PLCG2: variants seen among roughly 807,000 people sequenced by gnomAD.
The protein encoded by PLCG2 is phospholipase C gamma 2.
A neutral mutation model predicts 175.6 loss-of-function variants in PLCG2; 69 were observed. That is an observed-to-expected ratio of 0.39 (90% CI 0.32 to 0.48). The LOEUF is 0.48. PLCG2 is among the 20% of genes least tolerant of loss of function. The pLI, the probability that PLCG2 is intolerant of heterozygous loss-of-function variation, is 0.91. For missense variants in PLCG2, 1,798 were observed against 1,650.9 expected, an observed-to-expected ratio of 1.09 and a Z score of -1.54; for synonymous variants, 827 against 624.0, an observed-to-expected ratio of 1.33 and a Z score of -4.85.
At chr16:81,957,614 T>C (rs1218011464) in intron 32 of PLCG2, among the ~76,000 whole-genome samples, 1 of 152,148 alleles carries the variant, frequency 6.6e-6, no homozygotes, top group Non-Finnish European at 1.5e-5. Flanking sequence ...GCCAAGTGTT[T>C]CATAATATGT....
At chr16:81,835,911 A>C (rs982372512) in intron 2 of PLCG2, among the ~76,000 whole-genome samples, 20 of 151,980 alleles carry the variant, frequency 1.3e-4, no homozygotes, top group Non-Finnish European at 1.8e-4. Flanking sequence ...TCTCTGTCCA[A>C]ATTTCCCTCT....
chr16:81,896,687 A>T (rs1464623267), intron 13 of PLCG2, among the ~76,000 whole-genome samples: 1 of 152,176 alleles, frequency 6.6e-6, no homozygotes, highest in Non-Finnish European at 1.5e-5. Context: ...CACCCCCACC[A>T]AACCTGTTTC....
intron 2 of PLCG2, among the ~76,000 whole-genome samples, chr16:81,844,726 T>C (rs992597150): frequency 1.3e-5 from 2 of 152,242 alleles, no homozygotes; most frequent in African/African-American, 4.8e-5. Context: ...TAATAAGTTA[T>C]AGTAGACATT....
At chr16:81,758,125 G>A (rs550230999) in intron 2 of PLCG2, among the ~76,000 whole-genome samples, 4 of 152,108 alleles carry the variant, frequency 2.6e-5, no homozygotes, top group South Asian at 4.2e-4. Context: ...ACAGGCGCTC[G>A]CCACCAGGCC....
intron 2 of PLCG2, among the ~76,000 whole-genome samples, chr16:81,822,647 C>T (rs1306936867): frequency 6.8e-6 from 1 of 147,998 alleles, no homozygotes; most frequent in African/African-American, 2.5e-5. Flanking sequence ...ATCCCAGCTA[C>T]TCAGAAGGCT....
chr16:81,757,345 G>GA (rs551960804), intron 2 of PLCG2, among the ~76,000 whole-genome samples: 6 of 151,870 alleles, frequency 4.0e-5, no homozygotes, highest in Non-Finnish European at 7.4e-5. Context: ...AAGCCTCATA[G>GA]AAAAAAAAGC....
intron 1 of PLCG2, among the ~76,000 whole-genome samples, chr16:81,780,576 C>T (rs547145624): frequency 1.3e-5 from 2 of 152,202 alleles, no homozygotes; most frequent in Non-Finnish European, 2.9e-5. Context: ...GTGAGCCTCA[C>T]TGATGTTTAA....
chr16:81,758,796 G>T (rs1454809417), intron 2 of PLCG2, among the ~76,000 whole-genome samples: 1 of 151,772 alleles, frequency 6.6e-6, no homozygotes, highest in Non-Finnish European at 1.5e-5. Context: ...TCCTGCCTCA[G>T]CCTCCCGAGT....
intron 25 of PLCG2, 122 bp downstream of exon 25, chr16:81,931,776 G>A (rs1910512957): frequency 2.6e-6 from 2 of 778,844 alleles, no homozygotes; most frequent in Non-Finnish European, 4.2e-6. Flanking sequence ...TCAGAATTCA[G>A]GAAGGAGACC....
chr16:81,877,442 G>C (rs12596760), intron 7 of PLCG2, among the ~76,000 whole-genome samples: 7 of 152,196 alleles, frequency 4.6e-5, no homozygotes, highest in African/African-American at 9.7e-5. Flanking sequence ...GCGACACAGC[G>C]AGACTCCGTC....
chr16:81,815,586 T>C (rs1264421145), intron 2 of PLCG2, among the ~76,000 whole-genome samples: 1 of 152,188 alleles, frequency 6.6e-6, no homozygotes, highest in Non-Finnish European at 1.5e-5. Flanking sequence ...CTCCTGGCCC[T>C]TTCAGAGGCC....
At chr16:81,883,942 A>T (rs1908219980) in intron 9 of PLCG2, among the ~76,000 whole-genome samples, 1 of 152,186 alleles carries the variant, frequency 6.6e-6, no homozygotes, top group Admixed American at 6.5e-5. Flanking sequence ...GTGTCCAGAG[A>T]CGACATGGGT....
intron 25 of PLCG2, among the ~76,000 whole-genome samples, chr16:81,934,118 C>T (rs1038442631): frequency 9.2e-5 from 14 of 152,196 alleles, no homozygotes; most frequent in Admixed American, 6.5e-4. Flanking sequence ...GGACAGGAGG[C>T]AGAGTTAAAG....
chr16:81,914,898 G>T (rs1313315569), intron 19 of PLCG2, among the ~76,000 whole-genome samples: 1 of 152,136 alleles, frequency 6.6e-6, no homozygotes, highest in African/African-American at 2.4e-5. Context: ...TCAAAGAGTT[G>T]GGGTGTGAGG....
At chr16:81,759,993 G>T (rs1227227168) in intron 2 of PLCG2, among the ~76,000 whole-genome samples, 2 of 152,194 alleles carry the variant, frequency 1.3e-5, no homozygotes, top group Non-Finnish European at 2.9e-5. Context: ...GGGAGTGGTG[G>T]CGGGCGCCTG....
At chr16:81,912,531 T>A in intron 18 of PLCG2, 66 bp from the exon 19 acceptor site, 9 of 1,583,024 alleles carry the variant, frequency 5.7e-6, no homozygotes, top group Non-Finnish European at 3.4e-6. Flanking sequence ...TCTTGTCCTC[T>A]GCGGGTGGCC....
intron 19 of PLCG2, among the ~76,000 whole-genome samples, chr16:81,913,297 C>T (rs1909711502): frequency 6.6e-6 from 1 of 152,212 alleles, no homozygotes; most frequent in Non-Finnish European, 1.5e-5. Flanking sequence ...CATGTTCTTA[C>T]GGTGGTAACA....
At chr16:81,870,586 CAG>C (rs938538554) in intron 6 of PLCG2, among the ~76,000 whole-genome samples, 7 of 152,090 alleles carry the variant, frequency 4.6e-5, no homozygotes, top group Non-Finnish European at 8.8e-5. Flanking sequence ...TTTTCCCAGA[CAG>C]GGGGATTAGG....
chr16:81,778,626 T>C (rs763817559), upstream of PLCG2, among the ~76,000 whole-genome samples: 12 of 152,232 alleles, frequency 7.9e-5, no homozygotes, highest in Non-Finnish European at 1.8e-4. Flanking sequence ...CTGACTCCCT[T>C]TGGGGCTGGC....
Sources: gnomAD v4.1 joint callset for allele counts (sites outside exome capture counted in the v4.1 genomes callset) on GRCh38, gnomAD v4.1.1 for gene constraint, MANE v1.5 for transcripts, NCBI Gene and HGNC (gene_info 2026-07-23, HGNC 2026-07-21) for gene names.